QRICH2: variants seen among roughly 807,000 people sequenced by gnomAD.
The protein encoded by QRICH2 is glutamine-rich protein 2.
In QRICH2, 119 loss-of-function variants were observed where a neutral mutation model predicts 168.3. The observed-to-expected ratio is 0.71, with a 90% confidence interval of 0.61 to 0.82. The LOEUF (loss-of-function observed/expected upper bound fraction) is 0.82. Ranked by LOEUF, QRICH2 falls within the 40% of genes least tolerant of loss-of-function variation. The pLI is 0.00. For missense variants in QRICH2, 2,241 were observed against 2,491.6 expected, an observed-to-expected ratio of 0.90 and a Z score of 2.14; for synonymous variants, 894 against 951.2, an observed-to-expected ratio of 0.94 and a Z score of 1.11.
intron 18 of QRICH2, among the ~76,000 whole-genome samples, chr17:76,275,172 C>G (rs1238758296): frequency 6.6e-6 from 1 of 151,970 alleles, no homozygotes; most frequent in Non-Finnish European, 1.5e-5. Flanking sequence ...GGAGGAAGGT[C>G]GGCAGCTTTT....
In QRICH2 at chr17:76,277,211, G is replaced by A. The variant is rs776158363; in HGVS notation, c.5217C>T (p.His1739=). 2 of 1,604,352 alleles carry A rather than the reference G, an allele frequency of 1.2e-6. No homozygotes were observed. The highest frequency in any genetic ancestry group is 2.7e-5 in the African/African-American group (2 of 74,264). The change falls in exon 16 of 19, where the codon CAC becomes CAT. Residue 1739 remains histidine (H), a synonymous_variant. Transcript: ENST00000680821. ...CAGTAGGATACAGGCCCCGGGGAAG[G>A]TGCTGCGGGCGGCTGCGGTGGTAGG... ...TYPYHRSRPQ[H]LPRGLYPTEE...
At chr17:76,304,652 C>T in intron 2 of QRICH2, 127 bp from the exon 3 acceptor site, 1 of 740,730 alleles carries the variant, frequency 1.4e-6, no homozygotes, top group Non-Finnish European at 2.3e-6. Flanking sequence ...GAATTCATCA[C>T]CCTTCAAGTG....
chr17:76,288,884 C>T (rs553779253), intron 5 of QRICH2, among the ~76,000 whole-genome samples: 1 of 151,972 alleles, frequency 6.6e-6, no homozygotes, highest in South Asian at 2.1e-4. Flanking sequence ...GCAGGCAGAT[C>T]ACAAGGTCAG....
At position 76,288,383 on chromosome 17, in the gene QRICH2, T is replaced by TAA. The variant is rs770162922; in HGVS notation, c.3799-488_3799-487dup. 3.2e-3 allele frequency among the ~76,000 whole-genome samples: 127 copies of TAA among 39,262 alleles called. 4 individuals carry two copies. Among genetic ancestry groups the TAA allele is most frequent in the African/African-American group, 8.1e-3 (69 of 8,546 alleles). The allele number at this position is 39,262 out of a possible 152,430, so 25.8% of individuals were successfully genotyped here. ...TGGGCAACAGAGCAAGAATCAGTCT[T>TAA]AAAAAAAAAAAAAAAAAAAAAAAAA... On this transcript the variant is annotated intron_variant, in intron 5 of 18. Coordinates refer to ENST00000680821, the MANE Select transcript of QRICH2 (RefSeq NM_001388453.1).
chr17:76,297,882 T>G (rs962506361), intron 3 of QRICH2, among the ~76,000 whole-genome samples: 6 of 140,466 alleles, frequency 4.3e-5, no homozygotes, highest in Admixed American at 1.4e-4. Flanking sequence ...TTTTTTTTTT[T>G]TTTTTTTTTT....
chr17:76,299,336 C>T (rs867851759), intron 3 of QRICH2, among the ~76,000 whole-genome samples: 1 of 152,084 alleles, frequency 6.6e-6, no homozygotes, highest in Non-Finnish European at 1.5e-5. Context: ...CACCAAGTGG[C>T]CATCTTGGGG....
rs920205903 is a variant in QRICH2, at chr17:76,281,686, C to T, written c.4263+178G>A. Reference sequence around the variant, plus strand: ...CCAAAGCTAGTTCTGCTGCTACCCTCGCTGTGGACCTGCAGAAAGACCAGG... The same window carrying T: ...CCAAAGCTAGTTCTGCTGCTACCCTTGCTGTGGACCTGCAGAAAGACCAGG... On this transcript the variant is annotated intron_variant, in intron 8 of 18. Transcript: ENST00000680821. The surrounding 1 kb of genome is among the most constrained non-coding windows in gnomAD (Gnocchi z 4.4). Among the ~76,000 whole-genome samples the T allele has an allele frequency of 3.9e-5, 6 of 152,250 alleles. No individual in the cohort carries two copies. The highest frequency in any genetic ancestry group is 6.5e-5 in the Admixed American group (1 of 15,284).
Position 76,293,827 on chromosome 17 carries a change from A to G in QRICH2, c.900T>C (p.Ser300=), listed in dbSNP as rs6501883. The G allele has an allele frequency of 0.32, 515,093 of 1,613,538 alleles. 89,937 individuals carry two copies. The highest frequency in any genetic ancestry group is 0.66 in the African/African-American group (49,603 of 74,918). ...GTAHPSDGVS[S]REQSKVPSGT... ...CAGAGGGGACCTTGCTTTGTTCCCT[A>G]CTGGAAACCCCATCAGAGGGGTGTG... Residue 300 remains serine (S), a synonymous_variant, in exon 4 of 19, where the codon AGT becomes AGC. Coordinates refer to ENST00000680821, the MANE Select transcript of QRICH2 (RefSeq NM_001388453.1).
intron 18 of QRICH2, 50 bp from the exon 19 acceptor site, chr17:76,274,310 AG>A: frequency 1.3e-6 from 2 of 1,545,592 alleles, no homozygotes; most frequent in African/African-American, 1.4e-5. Flanking sequence ...CAAGCCCACC[AG>A]GGGTCACCCC....
intron 3 of QRICH2, 72 bp from the exon 4 acceptor site, chr17:76,294,093 TG>T: frequency 6.6e-7 from 1 of 1,513,066 alleles, no homozygotes. Flanking sequence ...AAAGGAAATC[TG>T]GAAGTTCTGA....
chr17:76,276,783 G>A lies in QRICH2; in HGVS notation c.5266-16C>T, dbSNP rs1246803614. 1.3e-6 allele frequency: 2 copies of A among 1,596,440 alleles called. No individual in the cohort carries two copies. The highest frequency in any genetic ancestry group is 1.1e-5 in the South Asian group (1 of 90,706). ...CCTCATCATGCTGTAGAAGTGAACA[G>A]ATACCGTCGCCACTGTAGCAGCCAC... On this transcript the variant is annotated splice_polypyrimidine_tract_variant and intron_variant, in intron 16 of 18. Coordinates refer to ENST00000680821, the MANE Select transcript of QRICH2 (RefSeq NM_001388453.1).
Position 76,307,353 on chromosome 17 carries a change from C to T in QRICH2, c.534+112G>A, listed in dbSNP as rs1462494530. ...GTCTGGCACCTCCTCGGTCCCCATC[C>T]CCTCCGTCCCCACCACCGCTCACCC... is the stretch of plus-strand genomic sequence containing the variant. On this transcript the variant is annotated intron_variant, in intron 1 of 18. Coordinates refer to ENST00000680821, the MANE Select transcript of QRICH2 (RefSeq NM_001388453.1). This position sits in a 1 kb window ranked among gnomAD's most constrained non-coding sequence, Gnocchi z 5.3. 14 of 1,142,914 alleles carry T rather than the reference C, an allele frequency of 1.2e-5. No homozygotes were observed. Among genetic ancestry groups the T allele is most frequent in the Non-Finnish European group, 5.1e-6 (4 of 778,278 alleles). The allele number at this position is 1,142,914 out of a possible 1,614,324, so 70.8% of individuals were successfully genotyped here.
intron 2 of QRICH2, 29 bp downstream of exon 2, chr17:76,304,852 GC>G: frequency 3.3e-6 from 5 of 1,538,358 alleles, no homozygotes; most frequent in Non-Finnish European, 4.5e-6. Flanking sequence ...CCCCTGGAGA[GC>G]CCTTTCCCAT....
At chr17:76,304,326 C>T (rs1220096572) in intron 3 of QRICH2, 89 bp downstream of exon 3, 1 of 782,052 alleles carries the variant, frequency 1.3e-6, no homozygotes, top group Non-Finnish European at 2.1e-6. Context: ...CTATGAATAT[C>T]CATAGAACAG....
At chr17:76,288,015 G>A (rs1483298778) in intron 5 of QRICH2, 118 bp from the exon 6 acceptor site, 8 of 739,380 alleles carry the variant, frequency 1.1e-5, no homozygotes, top group Admixed American at 4.2e-5. Flanking sequence ...AACCCCCTCC[G>A]ACAAAAGCCA....
intron 2 of QRICH2, 102 bp from the exon 3 acceptor site, chr17:76,304,627 C>A (rs2070960517): frequency 2.5e-6 from 2 of 812,506 alleles, no homozygotes; most frequent in Non-Finnish European, 4.1e-6. Context: ...TCCTTCACAG[C>A]CCCAGCCCCA....
chr17:76,280,700 T>C lies in QRICH2; in HGVS notation c.4415A>G (p.Glu1472Gly), dbSNP rs148952487. ...AMLYQGLEKL[E>G]KEKANREHLE... ...GTGCTCCCTGTTGGCCTTTTCCTTT[T>C]CGAGCTTCTCCAGACCCTGGTACAG... The change falls in exon 10 of 19, where the codon GAA (glutamate) becomes GGA (glycine). Residue 1472 changes from glutamate to glycine, a missense_variant. Transcript: ENST00000680821. This position sits in a 1 kb window ranked among gnomAD's most constrained non-coding sequence, Gnocchi z 7.4. 1 of 1,613,984 alleles carries C rather than the reference T, an allele frequency of 6.2e-7. No homozygotes were observed. The highest frequency in any genetic ancestry group is 1.3e-5 in the African/African-American group (1 of 74,898).
At position 76,280,934 on chromosome 17, in the gene QRICH2, C is replaced by T. The variant is rs147318665; in HGVS notation, c.4283G>A (p.Arg1428His). 40 of 1,611,208 alleles carry T rather than the reference C, an allele frequency of 2.5e-5. No homozygotes were observed. In the African/African-American group the frequency reaches 2.9e-4, roughly 12 times the overall value. Reference protein sequence around the residue: ...LQRQDEELLGRVQSAILQVQG... With the variant: ...LQRQDEELLGHVQSAILQVQG... ...CACCTGCAGGATGGCACTCTGCACA[C>T]GGCCCAGCAGCTCCTCGTCCTGCGG... The change falls in exon 9 of 19, where the codon CGT becomes CAT. Residue 1428 changes from arginine (R) to histidine (H), a missense_variant. This residue lies in a region of QRICH2 where 2,047 missense variants were observed against 2,303.8 expected (regional missense o/e 0.89). Transcript: ENST00000680821. This position sits in a 1 kb window ranked among gnomAD's most constrained non-coding sequence, Gnocchi z 7.4.
chr17:76,308,118 G>A lies in QRICH2; in HGVS notation c.-120C>T, dbSNP rs1283369714. The A allele has an allele frequency of 1.2e-5, 15 of 1,203,646 alleles. 1 individual carries two copies. In the South Asian group the frequency reaches 3.0e-4, roughly 24 times the overall value. 74.6% of individuals were successfully genotyped at this position (1,203,646 alleles called of 1,614,324 possible). On this transcript the variant is annotated 5_prime_UTR_variant, in exon 1 of 19. Transcript: ENST00000680821. Reference sequence around the variant, plus strand: ...GAGGTCCTCGGGGCGCCCCTGCCCCGGGTCCGGCCGAGTCACTGGACAGAG... The same window carrying A: ...GAGGTCCTCGGGGCGCCCCTGCCCCAGGTCCGGCCGAGTCACTGGACAGAG...
Sources: gnomAD v4.1 joint callset for allele counts (sites outside exome capture counted in the v4.1 genomes callset) on GRCh38, gnomAD v4.1.1 for gene constraint, gnomAD v4.1.1 regional missense constraint, Gnocchi (gnomAD v3.1) non-coding constraint, MANE v1.5 for transcripts, NCBI Gene and HGNC (gene_info 2026-07-23, HGNC 2026-07-21) for gene names.